SDK1: variants seen among roughly 807,000 people sequenced by gnomAD.
The protein encoded by SDK1 is protein sidekick-1.
SDK1 carries 157 observed loss-of-function variants against 245.5 expected under a neutral mutation model. The ratio of observed to expected loss-of-function variants is 0.64; its 90% CI spans 0.56 to 0.73. The LOEUF is 0.73. SDK1 is among the 30% of genes least tolerant of loss of function. SDK1 has a pLI of 0.00. For synonymous variants in SDK1, 1,647 were observed against 1,278.5 expected (o/e 1.29, Z -6.15); for missense variants, 3,583 against 3,002.3 (o/e 1.19, Z -4.52).
intron 4 of SDK1, among the ~76,000 whole-genome samples, chr7:3,662,686 T>C (rs1176538395): frequency 1.3e-5 from 2 of 152,216 alleles, no homozygotes; most frequent in Admixed American, 6.5e-5. Context: ...TAAATGTGTC[T>C]CACAGATGTA....
chr7:3,869,345 G>T (rs1389140681), intron 5 of SDK1, among the ~76,000 whole-genome samples: 1 of 151,810 alleles, frequency 6.6e-6, no homozygotes, highest in Admixed American at 6.6e-5. Flanking sequence ...TAGTGGAGAC[G>T]GGGTTTCACC....
intron 5 of SDK1, among the ~76,000 whole-genome samples, chr7:3,823,854 A>G (rs1328010114): frequency 6.6e-6 from 1 of 152,168 alleles, no homozygotes; most frequent in African/African-American, 2.4e-5. Flanking sequence ...AGATTGAGGA[A>G]ACTGCCTTAT....
At chr7:3,349,039 TTCTC>T (rs200969378) in intron 1 of SDK1, among the ~76,000 whole-genome samples, 1,594 of 152,232 alleles carry the variant, frequency 0.01, 39 homozygotes, top group African/African-American at 0.037. Context: ...CTGCGCTTCT[TTCTC>T]CTTTTTACCC....
At chr7:3,538,674 C>T (rs574238758) in intron 1 of SDK1, among the ~76,000 whole-genome samples, 7 of 152,170 alleles carry the variant, frequency 4.6e-5, no homozygotes, top group Non-Finnish European at 8.8e-5. Flanking sequence ...TTCCTCGTGT[C>T]TGCCCACCCG....
chr7:3,826,932 A>C (rs936671804), intron 5 of SDK1, among the ~76,000 whole-genome samples: 2 of 152,038 alleles, frequency 1.3e-5, no homozygotes, highest in Non-Finnish European at 2.9e-5. Context: ...GCAAGACTTC[A>C]CTCACCACAA....
intron 5 of SDK1, among the ~76,000 whole-genome samples, chr7:3,948,966 C>T (rs867216226): frequency 6.6e-6 from 1 of 152,234 alleles, no homozygotes; most frequent in South Asian, 2.1e-4. Context: ...GGCCGTTTCT[C>T]CTCATCAGCC....
intron 5 of SDK1, among the ~76,000 whole-genome samples, chr7:3,841,939 T>G (rs1462242640): frequency 6.6e-6 from 1 of 152,178 alleles, no homozygotes; most frequent in Non-Finnish European, 1.5e-5. Flanking sequence ...AGAAGCAAAT[T>G]ACATGACAGG....
At chr7:3,769,676 G>A (rs772888947) in intron 4 of SDK1, among the ~76,000 whole-genome samples, 1 of 152,132 alleles carries the variant, frequency 6.6e-6, no homozygotes, top group African/African-American at 2.4e-5. Context: ...AATCTACCAT[G>A]TCAGTGGGAC....
chr7:3,483,817 T>A (rs907029686), intron 1 of SDK1, among the ~76,000 whole-genome samples: 2 of 152,244 alleles, frequency 1.3e-5, no homozygotes, highest in Admixed American at 6.5e-5. Context: ...AGTAAATTCA[T>A]TGGAACATTT....
At position 4,012,240 on chromosome 7, in the gene SDK1, G is replaced by C; in HGVS notation, c.2420+5G>C. ...GTTGCGTGGATACATCCTCAGGCAAGTGCCCTGTGATTGGCCATCTTTAGG... is the reference window on the plus strand; with the variant it reads ...GTTGCGTGGATACATCCTCAGGCAACTGCCCTGTGATTGGCCATCTTTAGG... On this transcript the variant is annotated splice_donor_5th_base_variant and intron_variant, in intron 16 of 44. Transcript: ENST00000404826. The C allele has an allele frequency of 1.3e-6, 2 of 1,490,312 alleles. No homozygotes were observed. Among genetic ancestry groups the C allele is most frequent in the Non-Finnish European group, 1.8e-6 (2 of 1,122,308 alleles). 92.3% of individuals were successfully genotyped at this position (1,490,312 alleles called of 1,614,324 possible).
chr7:4,213,950 A>G (rs1421774475), intron 38 of SDK1, among the ~76,000 whole-genome samples: 1 of 152,182 alleles, frequency 6.6e-6, no homozygotes, highest in East Asian at 1.9e-4. Flanking sequence ...GTATAATCAC[A>G]GTGATAGGTG....
At chr7:3,890,637 C>A (rs1781436407) in intron 5 of SDK1, among the ~76,000 whole-genome samples, 1 of 150,346 alleles carries the variant, frequency 6.7e-6, no homozygotes, top group Admixed American at 6.6e-5. Flanking sequence ...TTTGTTTTTG[C>A]TGTGGTTAAA....
intron 1 of SDK1, among the ~76,000 whole-genome samples, chr7:3,606,395 C>T (rs937854632): frequency 6.6e-5 from 10 of 152,114 alleles, no homozygotes; most frequent in Non-Finnish European, 1.3e-4. Flanking sequence ...GGGTTGAGTG[C>T]GGAGTGAGGT....
intron 1 of SDK1, among the ~76,000 whole-genome samples, chr7:3,571,152 A>T (rs1456192052): frequency 2.0e-5 from 3 of 152,046 alleles, no homozygotes; most frequent in Admixed American, 6.6e-5. Flanking sequence ...CGACTTACTG[A>T]AGTTGATAAT....
chr7:3,399,060 T>C (rs1778811922), intron 1 of SDK1, among the ~76,000 whole-genome samples: 1 of 152,266 alleles, frequency 6.6e-6, no homozygotes, highest in African/African-American at 2.4e-5. Flanking sequence ...TCAGTTATTC[T>C]TTCTCTCTTC....
At chr7:3,749,950 G>A (rs1207073776) in intron 4 of SDK1, among the ~76,000 whole-genome samples, 1 of 152,190 alleles carries the variant, frequency 6.6e-6, no homozygotes, top group African/African-American at 2.4e-5. Flanking sequence ...TTCAACATGA[G>A]CTCTTGTTAG....
intron 5 of SDK1, among the ~76,000 whole-genome samples, chr7:3,888,965 C>G (rs540317417): frequency 3.9e-4 from 60 of 152,136 alleles, no homozygotes; most frequent in Non-Finnish European, 7.5e-4. Context: ...AAGTGGAGAT[C>G]TAGGAATAGC....
intron 5 of SDK1, among the ~76,000 whole-genome samples, chr7:3,939,830 C>T (rs1246940831): frequency 6.6e-6 from 1 of 152,196 alleles, no homozygotes; most frequent in African/African-American, 2.4e-5. Flanking sequence ...GCTCTTAATT[C>T]CTTTGCTAGG....
intron 12 of SDK1, among the ~76,000 whole-genome samples, chr7:3,973,623 C>G (rs1312869284): frequency 6.6e-6 from 1 of 151,430 alleles, no homozygotes; most frequent in East Asian, 1.9e-4. Flanking sequence ...TTTTTTTAAA[C>G]AGTCGTTGCC....
Sources: gnomAD v4.1 joint callset for allele counts (sites outside exome capture counted in the v4.1 genomes callset) on GRCh38, gnomAD v4.1.1 for gene constraint, MANE v1.5 for transcripts, NCBI Gene and HGNC (gene_info 2026-07-23, HGNC 2026-07-21) for gene names.